Variants in GSE1 observed in about 807,000 individuals in gnomAD.
GSE1 encodes the protein Gse1 coiled-coil protein, also known as genetic suppressor element 1.
Under a neutral mutation model 112.6 loss-of-function variants are expected in GSE1, and 32 were observed. That is an observed-to-expected ratio of 0.28 (90% CI 0.21 to 0.38). The LOEUF is 0.38. Among genes scored for constraint, GSE1 ranks in the 10% least tolerant of loss-of-function variants. The pLI is 1.00. For missense variants in GSE1, 2,348 were observed against 1,699.2 expected (o/e 1.38, Z -6.71); for synonymous variants, 1,115 against 735.6 (o/e 1.52, Z -8.35).
At chr16:85,645,980 T>C (rs374722292) in intron 2 of GSE1, among the ~76,000 whole-genome samples, 1 of 151,980 alleles carries the variant, frequency 6.6e-6, no homozygotes, top group South Asian at 2.1e-4. Flanking sequence ...TACCTGCTTC[T>C]ACCACGCTTC....
At chr16:85,249,245 A>G (rs1466579023) in intron 1 of GSE1, among the ~76,000 whole-genome samples, 5 of 152,246 alleles carry the variant, frequency 3.3e-5, no homozygotes, top group Non-Finnish European at 5.9e-5. Flanking sequence ...AGCAGGAATG[A>G]AGCTGCCTTA....
chr16:85,293,558 A>T lies in GSE1; in HGVS notation c.2284-63905A>T, dbSNP rs76806626. 9.4e-3 allele frequency among the ~76,000 whole-genome samples: 1,428 copies of T among 152,184 alleles called. 21 individuals carry two copies. Among genetic ancestry groups the T allele is most frequent in the African/African-American group, 0.032 (1,344 of 41,512 alleles). On this transcript the variant is annotated intron_variant, in intron 1 of 2. Transcript: ENST00000637419. ...GAGTGAGATTCCATTTCAAAAAAAA[A>T]TTTTTTTTAAAAAGTAGCTTGAAAC...
chr16:85,426,583 T>G (rs968589566), intron 2 of GSE1, among the ~76,000 whole-genome samples: 4 of 120,192 alleles, frequency 3.3e-5, no homozygotes, highest in East Asian at 2.5e-4. Flanking sequence ...TGAATGTGGA[T>G]GGGTGAATGA....
chr16:85,265,507 G>A (rs1908146069), intron 1 of GSE1, among the ~76,000 whole-genome samples: 2 of 152,118 alleles, frequency 1.3e-5, no homozygotes, highest in South Asian at 4.2e-4. Flanking sequence ...TCTAGAATAT[G>A]TCCGGACTAT....
chr16:85,445,001 C>T (rs1056147311), intron 2 of GSE1, among the ~76,000 whole-genome samples: 7 of 152,214 alleles, frequency 4.6e-5, no homozygotes, highest in African/African-American at 1.2e-4. Flanking sequence ...GATCTTGAGC[C>T]GCTTTTCATG....
chr16:85,367,211 G>A (rs2047202997), intron 2 of GSE1, among the ~76,000 whole-genome samples: 1 of 152,230 alleles, frequency 6.6e-6, no homozygotes. Flanking sequence ...GACCTTCTAA[G>A]TGGGAGCAGA....
Position 85,672,476 on chromosome 16 carries a change from A to C in GSE1, c.3591A>C (p.Arg1197=), listed in dbSNP as rs759727632. The change falls in exon 16 of 16, where the codon CGA becomes CGC. Residue 1197 remains arginine, a synonymous_variant. Coordinates refer to ENST00000253458, the MANE Select transcript of GSE1 (RefSeq NM_014615.5). ...TCCAGGCAGAACTGGACCACTTACG[A>C]AAGTGCCTTGCCTTGCCTGCAATGC... The part of the protein sequence containing the change: ...ERLQAELDHL[R]KCLALPAMHW... 6.2e-7 allele frequency: 1 copy of C among 1,611,880 alleles called. No individual in the cohort carries two copies.
chr16:85,614,910 G>T (rs1254756589), intron 1 of GSE1, among the ~76,000 whole-genome samples: 1 of 152,096 alleles, frequency 6.6e-6, no homozygotes, highest in Non-Finnish European at 1.5e-5. Flanking sequence ...GGGTGGAAGC[G>T]AACCCGCCTA....
chr16:85,354,940 T>G (rs940363813), intron 1 of GSE1, among the ~76,000 whole-genome samples: 6 of 152,234 alleles, frequency 3.9e-5, no homozygotes, highest in African/African-American at 1.4e-4. Flanking sequence ...CTGATGGGCT[T>G]ACCCTGGGCC....
chr16:85,387,944 A>T lies in GSE1; in HGVS notation c.2464+30301A>T, dbSNP rs141481563. On this transcript the variant is annotated intron_variant, in intron 2 of 2. Transcript: ENST00000637419. The stretch of plus-strand genomic sequence containing the variant: ...AGTGGATGGATGGATGGATGGATGG[A>T]TGGATAAAGGGATGGATGGGTAGGT... Among the ~76,000 whole-genome samples, 744 of 149,142 alleles carry T rather than the reference A, an allele frequency of 5.0e-3. 3 individuals are homozygous for T. The highest frequency in any genetic ancestry group is 0.018 in the African/African-American group (719 of 40,366).
At chr16:85,346,457 G>A (rs1405232893) in intron 1 of GSE1, among the ~76,000 whole-genome samples, 4 of 133,718 alleles carry the variant, frequency 3.0e-5, no homozygotes, top group African/African-American at 1.1e-4. Flanking sequence ...GGATGGATGG[G>A]CTGATGGGTG....
At chr16:85,224,009 C>G (rs1415029406) in intron 1 of GSE1, among the ~76,000 whole-genome samples, 1 of 152,018 alleles carries the variant, frequency 6.6e-6, no homozygotes. Context: ...TATCATCACC[C>G]CAAAAGGAAG....
rs2053059993 is a variant in GSE1, at chr16:85,668,429, G to GA, written c.3415+5_3415+6insA. Reference sequence around the variant, plus strand: ...CTTACCAGGAACACATAGAAGGTAAGGGGGTGCTGGGGAAGAGGGGGGAGG... The same window carrying GA: ...CTTACCAGGAACACATAGAAGGTAAGAGGGGTGCTGGGGAAGAGGGGGGAGG... On this transcript the variant is annotated splice_donor_region_variant and intron_variant, in intron 14 of 15. Coordinates refer to ENST00000253458, the MANE Select transcript of GSE1 (RefSeq NM_014615.5). 1 of 1,582,816 alleles carries GA rather than the reference G, an allele frequency of 6.3e-7. No individual in the cohort carries two copies. Among genetic ancestry groups the GA allele is most frequent in the Admixed American group, 1.7e-5 (1 of 59,350 alleles).
intron 2 of GSE1, among the ~76,000 whole-genome samples, chr16:85,397,908 G>A (rs1462832037): frequency 6.6e-6 from 1 of 152,092 alleles, no homozygotes; most frequent in Non-Finnish European, 1.5e-5. Context: ...CGCAGACCAG[G>A]GGCTGCCCCT....
intron 1 of GSE1, among the ~76,000 whole-genome samples, chr16:85,259,186 C>T (rs114458741): frequency 0.011 from 1,699 of 152,202 alleles, 36 homozygotes; most frequent in African/African-American, 0.039. Flanking sequence ...GGCGGGGGCT[C>T]GTGCCCCTGG....
intron 2 of GSE1, among the ~76,000 whole-genome samples, chr16:85,421,964 C>G (rs942622083): frequency 2.6e-5 from 4 of 152,164 alleles, no homozygotes; most frequent in Non-Finnish European, 5.9e-5. Context: ...ACAGCACCCC[C>G]CTTGAGGTAG....
intron 1 of GSE1, among the ~76,000 whole-genome samples, chr16:85,271,935 G>A (rs111466842): frequency 1.3e-5 from 2 of 152,216 alleles, no homozygotes; most frequent in African/African-American, 4.8e-5. Context: ...TGCCTTCGGG[G>A]GCTACGTGGC....
intron 2 of GSE1, among the ~76,000 whole-genome samples, chr16:85,545,771 GGTTTGTTT>G (rs566380480): frequency 1.1e-4 from 17 of 151,280 alleles, no homozygotes; most frequent in Non-Finnish European, 2.1e-4. Flanking sequence ...TTGTTTTTTT[GGTTTGTTT>G]GTTTGTTTGT....
At chr16:85,651,552 C>A (rs1221314217) in intron 3 of GSE1, among the ~76,000 whole-genome samples, 1 of 152,054 alleles carries the variant, frequency 6.6e-6, no homozygotes, top group Non-Finnish European at 1.5e-5. Context: ...TGTGGCGGGG[C>A]GGCTGGGGCC....
Sources: gnomAD v4.1 joint callset for allele counts (sites outside exome capture counted in the v4.1 genomes callset) on GRCh38, gnomAD v4.1.1 for gene constraint, MANE v1.5 for transcripts, NCBI Gene and HGNC (gene_info 2026-07-23, HGNC 2026-07-21) for gene names.